Variants in ZFHX3 observed in about 807,000 individuals in gnomAD.
ZFHX3 encodes the protein zinc finger homeobox protein 3.
Under a neutral mutation model 279.1 loss-of-function variants are expected in ZFHX3, and 42 were observed. The ratio of observed to expected loss-of-function variants is 0.15; its 90% CI spans 0.12 to 0.19. The LOEUF is 0.19. Among genes scored for constraint, ZFHX3 ranks in the 10% least tolerant of loss-of-function variants. ZFHX3 has a pLI of 1.00. For synonymous variants in ZFHX3, 2,293 were observed against 1,957.8 expected, an observed-to-expected ratio of 1.17 and a Z score of -4.52; for missense variants, 4,981 against 4,754.0, an observed-to-expected ratio of 1.05 and a Z score of -1.40.
At chr16:73,051,584 GAACA>G (rs988671936), upstream of ZFHX3, among the ~76,000 whole-genome samples, 41 of 152,288 alleles carry the variant, frequency 2.7e-4, no homozygotes, top group African/African-American at 8.9e-4. Context: ...ATCGTAGGTG[GAACA>G]TTATCTAATT....
chr16:73,294,357 T>C (rs1273723564), intron 4 of ZFHX3: 1 of 152,194 alleles, frequency 6.6e-6, no homozygotes, highest in African/African-American at 2.4e-5. Flanking sequence ...TCTCCCAAGA[T>C]AAGCAGCCCC....
At chr16:72,981,877 CTTTTTT>C (rs34508059) in intron 1 of ZFHX3, among the ~76,000 whole-genome samples, 1 of 130,718 alleles carries the variant, frequency 7.7e-6, no homozygotes, top group Non-Finnish European at 1.6e-5. Context: ...ACACATTTTC[CTTTTTT>C]TTTTTTTTTT....
intron 5 of ZFHX3, among the ~76,000 whole-genome samples, chr16:73,165,602 C>T (rs1375225773): frequency 6.6e-6 from 1 of 152,112 alleles, no homozygotes; most frequent in Non-Finnish European, 1.5e-5. Flanking sequence ...CTGAGTCAAT[C>T]CCATTAACTT....
intron 5 of ZFHX3, chr16:72,829,525 A>T (rs2037015914): frequency 2.1e-6 from 1 of 470,808 alleles, no homozygotes; most frequent in Non-Finnish European, 3.8e-6. Flanking sequence ...ATACTCAATA[A>T]GCAAGCTGGC....
rs571533598 is a variant in ZFHX3 at position 73,007,041 on chromosome 16, C to T, written c.-50+40711G>A. ...GTTGCTGGAATCTACAAATGCAGAA[C>T]GGGTGACTATGAAGGCCAACTATAT... is the stretch of plus-strand genomic sequence containing the variant. On this transcript the variant is annotated intron_variant, in intron 1 of 9. Coordinates refer to ENST00000268489, the MANE Select transcript of ZFHX3 (RefSeq NM_006885.4). 2.0e-4 allele frequency among the ~76,000 whole-genome samples: 30 copies of T among 152,252 alleles called. No homozygotes were observed. The South Asian group carries it at 6.0e-3, about 30-fold the overall frequency.
chr16:72,784,194 T>C lies in ZFHX3; in HGVS notation c.*2970A>G, dbSNP rs532796320. 2 of 150,928 alleles carry C rather than the reference T, an allele frequency of 1.3e-5. No homozygotes were observed. Among genetic ancestry groups the C allele is most frequent in the Non-Finnish European group, 3.0e-5 (2 of 67,784 alleles). The allele number at this position is 150,928 out of a possible 1,614,324, so 9.3% of individuals were successfully genotyped here. A position where few individuals can be genotyped will look rare whatever the true frequency, so the allele number is the denominator to read the frequency against. ...AACACCCACAGCTCAAGGCATGGCA[T>C]AACAAAACACTGACAGTCACTCTGC... is the stretch of plus-strand genomic sequence containing the variant. On this transcript the variant is annotated 3_prime_UTR_variant, in exon 10 of 10. Transcript: ENST00000268489.
intron 2 of ZFHX3, among the ~76,000 whole-genome samples, chr16:73,503,893 G>A (rs1199235831): frequency 6.6e-6 from 1 of 152,184 alleles, no homozygotes; most frequent in Non-Finnish European, 1.5e-5. Flanking sequence ...GTGCTCCTCT[G>A]AGGAAGAAAC....
At position 72,958,498 on chromosome 16, in the gene ZFHX3, T is replaced by C. The variant is rs1289759614; in HGVS notation, c.1648A>G (p.Thr550Ala). The C allele has an allele frequency of 1.9e-6, 3 of 1,614,106 alleles. No homozygotes were observed. The highest frequency in any genetic ancestry group is 4.5e-5 in the East Asian group (2 of 44,874). ...AAGGAAGAAGCAGAATTAGAACTAG[T>C]AGAAGCTGTGCCCCTCGACAGGGTC... ...LQTLSRGTASTSSNSASSFVV... is the reference protein window; with the variant it reads ...LQTLSRGTASASSNSASSFVV... The change falls in exon 2 of 10, where the codon ACT becomes GCT. Residue 550 changes from threonine (T) to alanine (A), a missense_variant. Thr to Ala is a moderately conservative substitution (Grantham distance 58). This residue lies in a region of ZFHX3 where 1,068 missense variants were observed against 935.2 expected (regional missense o/e 1.14). Transcript: ENST00000268489.
At chr16:73,086,714 G>T (rs191921623) in intron 8 of ZFHX3, among the ~76,000 whole-genome samples, 62 of 152,126 alleles carry the variant, frequency 4.1e-4, no homozygotes, top group African/African-American at 1.4e-3. Flanking sequence ...ACCAGCCTGG[G>T]CAACATGACA....
chr16:73,324,125 C>G (rs974437529), intron 3 of ZFHX3, among the ~76,000 whole-genome samples: 3 of 152,226 alleles, frequency 2.0e-5, no homozygotes, highest in African/African-American at 4.8e-5. Context: ...TGTAGCCAGA[C>G]TGGACCTAGT....
chr16:72,831,613 C>T (rs758488604), intron 4 of ZFHX3, among the ~76,000 whole-genome samples: 2 of 152,146 alleles, frequency 1.3e-5, no homozygotes, highest in Non-Finnish European at 2.9e-5. Flanking sequence ...AATTACACAG[C>T]GTGACACAGG....
intron 4 of ZFHX3, among the ~76,000 whole-genome samples, chr16:72,845,446 G>A (rs1009131627): frequency 3.3e-5 from 5 of 152,058 alleles, no homozygotes; most frequent in Non-Finnish European, 5.9e-5. Flanking sequence ...GGGACATCCC[G>A]GCACCTGCCC....
At chr16:73,303,582 ACTGGATCT>A (rs1355791718) in intron 4 of ZFHX3, among the ~76,000 whole-genome samples, 1 of 152,188 alleles carries the variant, frequency 6.6e-6, no homozygotes, top group Non-Finnish European at 1.5e-5. Flanking sequence ...TCACTTTATA[ACTGGATCT>A]CTGGGTTTGA....
chr16:73,392,784 T>C (rs1156677292), intron 3 of ZFHX3, among the ~76,000 whole-genome samples: 1 of 152,198 alleles, frequency 6.6e-6, no homozygotes, highest in East Asian at 1.9e-4. Flanking sequence ...TTCTAACAGA[T>C]GAAACGTCGA....
intron 7 of ZFHX3, chr16:73,099,291 A>AT (rs949209794): frequency 6.6e-6 from 1 of 152,234 alleles, no homozygotes; most frequent in Non-Finnish European, 1.5e-5. Flanking sequence ...AAAAATGTGA[A>AT]TTTAAAAAAT....
chr16:72,886,206 T>G (rs1354446023), intron 4 of ZFHX3, among the ~76,000 whole-genome samples: 1 of 152,200 alleles, frequency 6.6e-6, no homozygotes, highest in Non-Finnish European at 1.5e-5. Context: ...CGTAATACTT[T>G]GTCCCTTTTG....
At chr16:72,987,913 C>A (rs9927735) in intron 1 of ZFHX3, among the ~76,000 whole-genome samples, 1 of 152,166 alleles carries the variant, frequency 6.6e-6, no homozygotes, top group African/African-American at 2.4e-5. Context: ...CCAAGCTGGA[C>A]GCCCTATTCA....
chr16:73,310,885 T>C (rs1186788907), intron 4 of ZFHX3, among the ~76,000 whole-genome samples: 2 of 152,012 alleles, frequency 1.3e-5, no homozygotes, highest in African/African-American at 4.8e-5. Flanking sequence ...CAAAGCTGTG[T>C]ATACATGCAA....
chr16:73,879,143 G>T (rs1348848582), intron 1 of ZFHX3, among the ~76,000 whole-genome samples: 1 of 151,364 alleles, frequency 6.6e-6, no homozygotes, highest in Non-Finnish European at 1.5e-5. Flanking sequence ...GCGACCTTGG[G>T]GTCCTTTTCT....
Sources: allele counts gnomAD v4.1 joint callset (sites outside exome capture counted in the v4.1 genomes callset), GRCh38; gene constraint gnomAD v4.1.1; regional missense constraint gnomAD v4.1.1; transcripts MANE v1.5; gene names NCBI Gene and HGNC (gene_info 2026-07-23, HGNC 2026-07-21).